Variants in NKAIN3 observed in about 807,000 individuals in gnomAD.
The protein encoded by NKAIN3 is sodium/potassium transporting ATPase interacting 3, also known as sodium/potassium-transporting ATPase subunit beta-1-interacting protein 3.
In NKAIN3, 25 loss-of-function variants were observed where a neutral mutation model predicts 30.2. That is an observed-to-expected ratio of 0.83 (90% CI 0.60 to 1.16). The LOEUF (loss-of-function observed/expected upper bound fraction) is 1.16. Ranked by LOEUF, NKAIN3 falls within the 50% of genes most tolerant of loss-of-function variation. NKAIN3 has a pLI of 0.00. For synonymous variants in NKAIN3, 91 were observed against 89.6 expected, an observed-to-expected ratio of 1.02 and a Z score of -0.09; for missense variants, 225 against 254.1, an observed-to-expected ratio of 0.89 and a Z score of 0.78.
intron 1 of NKAIN3, among the ~76,000 whole-genome samples, chr8:62,552,765 C>A (rs578242238): frequency 6.6e-6 from 1 of 152,258 alleles, no homozygotes; most frequent in South Asian, 2.1e-4. Context: ...TCATTAAAAA[C>A]GCCACTTCTC....
intron 4 of NKAIN3, among the ~76,000 whole-genome samples, chr8:62,880,488 G>T (rs951972013): frequency 3.3e-5 from 5 of 152,154 alleles, no homozygotes; most frequent in Middle Eastern, 3.4e-3. Context: ...GAAGTGAAGG[G>T]GCTTACATCT....
At chr8:62,704,217 T>C (rs1814441844) in intron 3 of NKAIN3, among the ~76,000 whole-genome samples, 1 of 152,194 alleles carries the variant, frequency 6.6e-6, no homozygotes, top group Admixed American at 6.5e-5. Flanking sequence ...TAGAAGATTT[T>C]TTAACTGTAT....
At chr8:62,320,035 A>T (rs1174826445) in intron 1 of NKAIN3, among the ~76,000 whole-genome samples, 1 of 152,086 alleles carries the variant, frequency 6.6e-6, no homozygotes, top group South Asian at 2.1e-4. Context: ...GTGCATATAT[A>T]TTTAGGATAG....
intron 1 of NKAIN3, among the ~76,000 whole-genome samples, chr8:62,391,475 A>G (rs1438371995): frequency 6.6e-6 from 1 of 152,112 alleles, no homozygotes; most frequent in Non-Finnish European, 1.5e-5. Flanking sequence ...ACTGGGAAAT[A>G]GAAAAATAGA....
chr8:62,311,178 A>G (rs1197340363), intron 1 of NKAIN3, among the ~76,000 whole-genome samples: 1 of 150,620 alleles, frequency 6.6e-6, no homozygotes, highest in Non-Finnish European at 1.5e-5. Context: ...AAAATCCAAC[A>G]TTTGATTGTT....
chr8:62,248,953 G>T lies in NKAIN3; in HGVS notation c.-121G>T. On this transcript the variant is annotated 5_prime_UTR_variant, in exon 1 of 7. Transcript: ENST00000623646. ...GCCCCGAGCCCTGGAGCCGCGAGCG[G>T]CGGCCGCGGGGCCGAGGAGCCTGGG... 1.1e-6 allele frequency: 1 copy of T among 880,866 alleles called. No individual in the cohort carries two copies. Among genetic ancestry groups the T allele is most frequent in the Non-Finnish European group, 1.7e-6 (1 of 605,896 alleles). 54.6% of individuals were successfully genotyped at this position (880,866 alleles called of 1,614,324 possible).
At chr8:62,768,195 C>G (rs757862922) in intron 4 of NKAIN3, among the ~76,000 whole-genome samples, 8 of 152,110 alleles carry the variant, frequency 5.3e-5, no homozygotes, top group Non-Finnish European at 1.2e-4. Flanking sequence ...GAACTTCCAT[C>G]TATTGGCACT....
intron 1 of NKAIN3, among the ~76,000 whole-genome samples, chr8:62,262,539 T>C (rs1308333542): frequency 6.6e-6 from 1 of 152,144 alleles, no homozygotes; most frequent in African/African-American, 2.4e-5. Flanking sequence ...TGCCAAAGAT[T>C]TGAATGTGGC....
In NKAIN3 at chr8:62,713,786, A is replaced by G. The variant is rs180795892; in HGVS notation, c.274-33146A>G. On this transcript the variant is annotated intron_variant, in intron 3 of 6. Transcript: ENST00000623646. Reference sequence around the variant, plus strand: ...CTCTCACATTCTATTACTAAATTTAATAATGCAAATGGAGTTTTAGTTTAT... The same window carrying G: ...CTCTCACATTCTATTACTAAATTTAGTAATGCAAATGGAGTTTTAGTTTAT... Among the ~76,000 whole-genome samples, 446 of 152,312 alleles carry G rather than the reference A, an allele frequency of 2.9e-3. 1 individual carries two copies. The highest frequency in any genetic ancestry group is 0.01 in the African/African-American group (424 of 41,584).
intron 5 of NKAIN3, among the ~76,000 whole-genome samples, chr8:62,993,432 A>G (rs2130935175): frequency 6.6e-6 from 1 of 152,338 alleles, no homozygotes; most frequent in Non-Finnish European, 1.5e-5. Context: ...GTTTCCATAG[A>G]ATAATAGTGA....
At chr8:62,932,724 G>A (rs1392035613) in intron 5 of NKAIN3, among the ~76,000 whole-genome samples, 1 of 152,040 alleles carries the variant, frequency 6.6e-6, no homozygotes, top group Admixed American at 6.6e-5. Flanking sequence ...TGGCACTCAT[G>A]GAGAATGCCT....
intron 4 of NKAIN3, among the ~76,000 whole-genome samples, chr8:62,800,846 G>A (rs149103846): frequency 0.027 from 4,125 of 152,286 alleles, 191 homozygotes; most frequent in African/African-American, 0.095. Context: ...AGGGGTCAGG[G>A]AGTTCCCTTT....
At chr8:62,400,560 GA>G (rs547422246) in intron 1 of NKAIN3, among the ~76,000 whole-genome samples, 102 of 152,236 alleles carry the variant, frequency 6.7e-4, no homozygotes, top group Admixed American at 1.9e-3. Flanking sequence ...TTGACAAGGG[GA>G]GTGTCCTAGC....
chr8:62,528,714 C>T (rs1808395157), intron 1 of NKAIN3, among the ~76,000 whole-genome samples: 1 of 152,146 alleles, frequency 6.6e-6, no homozygotes, highest in Admixed American at 6.6e-5. Flanking sequence ...TGAAACCTGA[C>T]CTTTATAACT....
In NKAIN3 at chr8:62,972,592, C is replaced by T. The variant is rs1353454438; in HGVS notation, c.*7185C>T. 6.6e-6 allele frequency among the ~76,000 whole-genome samples: 1 copy of T among 152,150 alleles called. No individual in the cohort carries two copies. Among genetic ancestry groups the T allele is most frequent in the Non-Finnish European group, 1.5e-5 (1 of 68,026 alleles). On this transcript the variant is annotated 3_prime_UTR_variant, in exon 7 of 7. Transcript: ENST00000623646. ...GACATTTGTGAAGGCAGATTATACA[C>T]ATGAGACAGTGGTGAATAAATCCAC...
intron 4 of NKAIN3, among the ~76,000 whole-genome samples, chr8:62,760,139 A>G (rs10957235): frequency 0.56 from 85,496 of 151,926 alleles, 25,333 homozygotes; most frequent in Non-Finnish European, 0.67. Flanking sequence ...GATGCTGGAG[A>G]TGATGTGGAG....
At chr8:62,854,367 A>G (rs866427608) in intron 4 of NKAIN3, among the ~76,000 whole-genome samples, 2 of 152,196 alleles carry the variant, frequency 1.3e-5, no homozygotes, top group South Asian at 2.1e-4. Context: ...AACTTGCTTT[A>G]TGCATCTGGG....
intron 5 of NKAIN3, among the ~76,000 whole-genome samples, chr8:62,997,487 AAAAC>A: frequency 6.6e-6 from 1 of 152,328 alleles, no homozygotes; most frequent in East Asian, 1.9e-4. Flanking sequence ...GTGATAAAGA[AAAAC>A]AAATTAAGAG....
At chr8:62,870,256 A>ATATATAGATATCTATAGATATCTATATC (rs1554586550) in intron 4 of NKAIN3, among the ~76,000 whole-genome samples, 13 of 45,572 alleles carry the variant, frequency 2.9e-4, no homozygotes, top group South Asian at 6.5e-4. Context: ...ATATCTATAT[A>ATATATAGATATCTATAGATATCTATATC]TATATCTATA....
Sources: gnomAD v4.1 joint callset for allele counts (sites outside exome capture counted in the v4.1 genomes callset) on GRCh38, gnomAD v4.1.1 for gene constraint, MANE v1.5 for transcripts, NCBI Gene and HGNC (gene_info 2026-07-23, HGNC 2026-07-21) for gene names.